The following LRBA variants were observed in gnomAD, a reference collection of about 807,000 sequenced individuals.
The protein encoded by LRBA is lipopolysaccharide-responsive and beige-like anchor protein.
LRBA carries 176 observed loss-of-function variants against 330.0 expected under a neutral mutation model. The ratio of observed to expected loss-of-function variants is 0.53; its 90% CI spans 0.47 to 0.60. The LOEUF is 0.60. Ranked by LOEUF, LRBA falls within the 20% of genes least tolerant of loss-of-function variation. The pLI is 0.00. For synonymous variants in LRBA, 1,230 were observed against 1,193.0 expected (o/e 1.03, Z -0.64); for missense variants, 3,259 against 3,444.8 (o/e 0.95, Z 1.35).
chr4:150,811,445 G>C (rs1037292885), intron 31 of LRBA, among the ~76,000 whole-genome samples: 6 of 151,052 alleles, frequency 4.0e-5, no homozygotes, highest in African/African-American at 7.3e-5. Flanking sequence ...AAAAAAGGGG[G>C]TGTGCATGAG....
chr4:150,553,323 G>T (rs1040683198), intron 40 of LRBA, among the ~76,000 whole-genome samples: 4 of 151,850 alleles, frequency 2.6e-5, no homozygotes, highest in African/African-American at 4.8e-5. Context: ...GTCGTGGGGT[G>T]GGGGGAAGGG....
intron 53 of LRBA, among the ~76,000 whole-genome samples, chr4:150,302,340 A>G (rs1050804396): frequency 6.6e-6 from 1 of 152,204 alleles, no homozygotes; most frequent in Non-Finnish European, 1.5e-5. Flanking sequence ...ATCTTCATGA[A>G]TAAAAACTAC....
intron 5 of LRBA, among the ~76,000 whole-genome samples, chr4:150,918,817 A>T (rs1012415513): frequency 2.0e-5 from 3 of 152,172 alleles, no homozygotes; most frequent in African/African-American, 7.2e-5. Context: ...ACCCTTATAC[A>T]TTGCTGTGGG....
At chr4:150,856,059 G>A (rs1453731750) in intron 22 of LRBA, among the ~76,000 whole-genome samples, 3 of 152,156 alleles carry the variant, frequency 2.0e-5, no homozygotes, top group Non-Finnish European at 4.4e-5. Flanking sequence ...GAGTGTATTG[G>A]CATGAAATAC....
At chr4:150,429,942 T>C (rs977718444) in intron 46 of LRBA, among the ~76,000 whole-genome samples, 2 of 152,146 alleles carry the variant, frequency 1.3e-5, no homozygotes, top group Non-Finnish European at 2.9e-5. Flanking sequence ...AAATAACCAA[T>C]AAATGCTAGC....
intron 54 of LRBA, among the ~76,000 whole-genome samples, chr4:150,284,445 A>G (rs112670924): frequency 1.3e-4 from 20 of 152,296 alleles, no homozygotes; most frequent in African/African-American, 4.6e-4. Flanking sequence ...TCAATGTATC[A>G]AATGTTTTAA....
In LRBA at chr4:150,906,417, T is replaced by TA; in HGVS notation, c.1494-13dup. The TA allele has an allele frequency of 7.1e-7, 1 of 1,412,760 alleles. No individual in the cohort carries two copies. The highest frequency in any genetic ancestry group is 1.0e-6 in the Non-Finnish European group (1 of 1,001,316). The allele number at this position is 1,412,760 out of a possible 1,614,324, so 87.5% of individuals were successfully genotyped here. ...CCAGCAAGGTTGAACTAGAATTTTT[T>TA]AAAAAGGCGATGATTAAAAAAACAT... On this transcript the variant is annotated splice_polypyrimidine_tract_variant and intron_variant, in intron 11 of 56. Coordinates refer to ENST00000651943, the MANE Select transcript of LRBA (RefSeq NM_001364905.1).
At chr4:150,763,907 G>A (rs1238144599) in intron 34 of LRBA, among the ~76,000 whole-genome samples, 1 of 151,906 alleles carries the variant, frequency 6.6e-6, no homozygotes, top group African/African-American at 2.4e-5. Context: ...GGCAGCAAGT[G>A]ATCAGCAAGA....
intron 53 of LRBA, among the ~76,000 whole-genome samples, chr4:150,301,925 G>A (rs1487743695): frequency 6.6e-6 from 1 of 152,060 alleles, no homozygotes. Flanking sequence ...CATTTTTCAG[G>A]TGGTCCCTTT....
chr4:150,837,528 T>A (rs1343698471), intron 28 of LRBA, among the ~76,000 whole-genome samples: 1 of 152,242 alleles, frequency 6.6e-6, no homozygotes, highest in Non-Finnish European at 1.5e-5. Flanking sequence ...CTTGTTGAAT[T>A]GATCCCTTTA....
At chr4:150,730,119 A>G (rs910640856) in intron 36 of LRBA, among the ~76,000 whole-genome samples, 1 of 152,238 alleles carries the variant, frequency 6.6e-6, no homozygotes, top group African/African-American at 2.4e-5. Context: ...CATAGTCACA[A>G]GCAACCAAAG....
intron 47 of LRBA, among the ~76,000 whole-genome samples, chr4:150,369,320 G>A (rs1174806471): frequency 6.6e-6 from 1 of 152,118 alleles, no homozygotes; most frequent in Non-Finnish European, 1.5e-5. Flanking sequence ...TCACAAAGAT[G>A]CATATATCTG....
At chr4:150,863,932 T>TTTAC in intron 22 of LRBA, among the ~76,000 whole-genome samples, 1 of 152,118 alleles carries the variant, frequency 6.6e-6, no homozygotes, top group East Asian at 1.9e-4. Context: ...TGACACTTTA[T>TTTAC]TTATTTATTT....
At chr4:150,954,631 A>T (rs1225006912) in intron 2 of LRBA, among the ~76,000 whole-genome samples, 8 of 150,414 alleles carry the variant, frequency 5.3e-5, no homozygotes, top group Non-Finnish European at 1.2e-4. Context: ...AACACTGCAG[A>T]AGGCGGCAGG....
intron 40 of LRBA, among the ~76,000 whole-genome samples, chr4:150,507,083 CA>C: frequency 6.6e-6 from 1 of 151,602 alleles, no homozygotes; most frequent in Non-Finnish European, 1.5e-5. Context: ...AAAGAGGATA[CA>C]AACAAATGGA....
At chr4:150,584,207 TG>T in intron 40 of LRBA, 2 of 1,336,192 alleles carry the variant, frequency 1.5e-6, no homozygotes, top group Non-Finnish European at 2.0e-6. Flanking sequence ...CAAACTTTTA[TG>T]TAAGTCACCT....
chr4:150,323,748 C>G (rs1376309192), intron 49 of LRBA, among the ~76,000 whole-genome samples: 1 of 152,162 alleles, frequency 6.6e-6, no homozygotes, highest in Non-Finnish European at 1.5e-5. Context: ...ATGAGAAACA[C>G]CAGAAATAAG....
At chr4:150,721,892 T>C (rs561047087) in intron 36 of LRBA, among the ~76,000 whole-genome samples, 3 of 152,294 alleles carry the variant, frequency 2.0e-5, no homozygotes, top group African/African-American at 7.2e-5. Flanking sequence ...GCTGGAATTA[T>C]AGGTGTGAGC....
At chr4:150,912,128 A>AG (rs1247779390) in intron 9 of LRBA, among the ~76,000 whole-genome samples, 1 of 149,014 alleles carries the variant, frequency 6.7e-6, no homozygotes, top group Non-Finnish European at 1.5e-5. Flanking sequence ...ATGTTTAATT[A>AG]AAAAAAAAAC....
Sources: allele counts gnomAD v4.1 joint callset (sites outside exome capture counted in the v4.1 genomes callset), GRCh38; gene constraint gnomAD v4.1.1; transcripts MANE v1.5; gene names NCBI Gene and HGNC (gene_info 2026-07-23, HGNC 2026-07-21).